IPPK: variants seen among roughly 807,000 people sequenced by gnomAD.
IPPK encodes the protein inositol-pentakisphosphate 2-kinase.
A neutral mutation model predicts 64.6 loss-of-function variants in IPPK; 22 were observed. The ratio of observed to expected loss-of-function variants is 0.34; its 90% confidence interval spans 0.24 to 0.49. The LOEUF (loss-of-function observed/expected upper bound fraction) is 0.49, where lower values mean the gene tolerates loss of function less well. Ranked by LOEUF, IPPK falls within the 20% of genes least tolerant of loss-of-function variation. IPPK has a pLI of 0.99. For synonymous variants in IPPK, 262 were observed against 247.2 expected (o/e 1.06, Z -0.56); for missense variants, 532 against 630.7 (o/e 0.84, Z 1.68).
At chr9:92,640,261 C>T (rs1050139305) in intron 8 of IPPK, among the ~76,000 whole-genome samples, 14 of 152,144 alleles carry the variant, frequency 9.2e-5, no homozygotes, top group South Asian at 6.2e-4. Flanking sequence ...CTCTCCCCAG[C>T]AGCCTCTCCT....
intron 3 of IPPK, among the ~76,000 whole-genome samples, chr9:92,655,508 G>A (rs972385653): frequency 7.2e-5 from 11 of 152,096 alleles, no homozygotes; most frequent in African/African-American, 2.7e-4. Context: ...GAGCCAGACT[G>A]CTCATTGCTG....
intron 8 of IPPK, among the ~76,000 whole-genome samples, chr9:92,638,994 C>T (rs1851997181): frequency 1.3e-5 from 2 of 152,202 alleles, no homozygotes; most frequent in African/African-American, 4.8e-5. Flanking sequence ...CCCCTGACAG[C>T]GGCCAACCCC....
At chr9:92,647,775 C>T (rs1022387732) in intron 6 of IPPK, among the ~76,000 whole-genome samples, 1 of 151,990 alleles carries the variant, frequency 6.6e-6, no homozygotes, top group East Asian at 1.9e-4. Context: ...GTGGCTCACA[C>T]CAGCACTTTG....
rs757195814 is a variant in IPPK at position 92,635,199 on chromosome 9, G to A, written c.1026C>T (p.Tyr342=). The part of the protein sequence containing the change: ...LLDIEGLYPL[Y]NRVERYLEEF... ...CTTCCAGGTATCGCTCAACCCGGTT[G>A]TACAGAGGGTAGAGGCCTTCGATGT... Residue 342 remains tyrosine (Y), a synonymous_variant, in exon 10 of 13, where the codon TAC becomes TAT. Coordinates refer to ENST00000287996, the MANE Select transcript of IPPK (RefSeq NM_022755.6). The surrounding 1 kb of genome is among the most constrained non-coding windows in gnomAD (Gnocchi z 4.4). 9 of 1,614,036 alleles carry A rather than the reference G, an allele frequency of 5.6e-6. No individual in the cohort carries two copies. In the South Asian group the frequency reaches 9.9e-5, roughly 18 times the overall value.
At chr9:92,644,180 T>TA (rs888258271) in intron 6 of IPPK, among the ~76,000 whole-genome samples, 13 of 151,356 alleles carry the variant, frequency 8.6e-5, no homozygotes, top group East Asian at 3.9e-4. Context: ...GAAAACTGGT[T>TA]AAAAAAAAAT....
chr9:92,646,799 T>C (rs1280629246), intron 6 of IPPK, among the ~76,000 whole-genome samples: 1 of 151,798 alleles, frequency 6.6e-6, no homozygotes, highest in Admixed American at 6.6e-5. Context: ...CTACTAAAAA[T>C]ACAAAAAATT....
chr9:92,628,870 ACT>A (rs1851780455), intron 11 of IPPK, among the ~76,000 whole-genome samples: 1 of 151,578 alleles, frequency 6.6e-6, no homozygotes, highest in East Asian at 1.9e-4. Context: ...ACAGAGTGAG[ACT>A]CTGTCTCAAA....
At chr9:92,652,778 G>C in intron 3 of IPPK, 139 bp from the exon 4 acceptor site, 1 of 443,558 alleles carries the variant, frequency 2.3e-6, no homozygotes. Context: ...AAAGTTTATT[G>C]CTTAAAAAAA....
At chr9:92,627,934 G>C (rs144740129) in intron 11 of IPPK, among the ~76,000 whole-genome samples, 2 of 152,230 alleles carry the variant, frequency 1.3e-5, no homozygotes, top group East Asian at 3.9e-4. Context: ...ATCTTAAATA[G>C]AGAGAATCCT....
intron 5 of IPPK, 97 bp from the exon 6 acceptor site, chr9:92,648,245 G>T: frequency 1.1e-6 from 1 of 901,974 alleles, no homozygotes; most frequent in Non-Finnish European, 1.7e-6. Flanking sequence ...AGTGCAGCAA[G>T]ATAATTAGGC....
intron 6 of IPPK, 32 bp from the exon 7 acceptor site, chr9:92,642,842 G>C: frequency 6.4e-7 from 1 of 1,573,716 alleles, no homozygotes; most frequent in Non-Finnish European, 8.7e-7. Context: ...GGCATGAGGT[G>C]ACTGGCGCTG....
rs746263714 is a variant in IPPK, at chr9:92,638,047, C to A, written c.870G>T (p.Pro290=). 1.2e-6 allele frequency: 2 copies of A among 1,601,328 alleles called. No homozygotes were observed. The highest frequency in any genetic ancestry group is 1.3e-5 in the African/African-American group (1 of 74,658). The change falls in exon 9 of 13, where the codon CCG becomes CCT. Residue 290 remains proline (P), a synonymous_variant. Coordinates refer to ENST00000287996, the MANE Select transcript of IPPK (RefSeq NM_022755.6). The part of the protein sequence containing the change: ...TLSPGLGPQG[P]RVCEASPFSR... ...TGAAAGGGCTGGCTTCGCAGACTCG[C>A]GGGCCCTGAGGCCCGAGCCCCGGAC...
chr9:92,640,637 C>G (rs1328511936), intron 8 of IPPK, 73 bp downstream of exon 8: 9 of 990,864 alleles, frequency 9.1e-6, no homozygotes, highest in Non-Finnish European at 1.1e-5. Context: ...AGCCCAACAC[C>G]CTCATCTGTG....
intron 8 of IPPK, among the ~76,000 whole-genome samples, chr9:92,639,610 G>A (rs1852009046): frequency 6.6e-6 from 1 of 152,166 alleles, no homozygotes. Context: ...GACATTAGGT[G>A]CAGGCCAGAT....
In IPPK at chr9:92,670,088, G is replaced by T; in HGVS notation, c.-100C>A. The T allele has an allele frequency of 1.3e-6, 1 of 756,080 alleles. No individual in the cohort carries two copies. The allele number at this position is 756,080 out of a possible 1,614,324, so 46.8% of individuals were successfully genotyped here. A position where few individuals can be genotyped will look rare whatever the true frequency, so the allele number is the denominator to read the frequency against. ...ACCAGCCGCTGCGGTCGGGGGAGGAGCGCCTGTCAGCTGCCGCCCCCGCTC... is the reference window on the plus strand; with the variant it reads ...ACCAGCCGCTGCGGTCGGGGGAGGATCGCCTGTCAGCTGCCGCCCCCGCTC... On this transcript the variant is annotated 5_prime_UTR_variant, in exon 1 of 13. Coordinates refer to ENST00000287996, the MANE Select transcript of IPPK (RefSeq NM_022755.6).
Position 92,615,881 on chromosome 9 carries a change from G to C in IPPK, c.1427C>G (p.Thr476Ser). Reference sequence around the variant, plus strand: ...GCAATCTTCGCTTTCCTTGAACCGAGTCGACATCACGGCGTTGTCTTTGGC... The same window carrying C: ...GCAATCTTCGCTTTCCTTGAACCGACTCGACATCACGGCGTTGTCTTTGGC... ...VRAKDNAVMS[T>S]RFKESEDCTL... is the part of the protein sequence containing the mutation. The change falls in exon 13 of 13, where the codon ACT (threonine) becomes AGT (serine). Residue 476 changes from threonine (T) to serine (S), a missense_variant. Physicochemically the swap from Thr to Ser is moderately conservative, Grantham distance 58. Coordinates refer to ENST00000287996, the MANE Select transcript of IPPK (RefSeq NM_022755.6). The C allele has an allele frequency of 6.2e-6, 10 of 1,614,188 alleles. No homozygotes were observed. Among genetic ancestry groups the C allele is most frequent in the Non-Finnish European group, 8.5e-6 (10 of 1,180,044 alleles).
intron 5 of IPPK, among the ~76,000 whole-genome samples, chr9:92,648,718 C>T (rs1172911916): frequency 6.6e-6 from 1 of 152,186 alleles, no homozygotes; most frequent in African/African-American, 2.4e-5. Flanking sequence ...GAGGCATGAG[C>T]TCAGGCCAGG....
intron 1 of IPPK, 131 bp downstream of exon 1, chr9:92,669,777 G>C: frequency 1.6e-6 from 1 of 641,800 alleles, no homozygotes; most frequent in Non-Finnish European, 2.7e-6. Flanking sequence ...GAATTCCGGA[G>C]ACCGGCCGGG....
rs116358420 is a variant in IPPK at position 92,645,185 on chromosome 9, G to A, written c.505-2375C>T. Among the ~76,000 whole-genome samples the A allele has an allele frequency of 2.0e-3, 311 of 152,140 alleles. 2 individuals carry two copies. The highest frequency in any genetic ancestry group is 7.0e-3 in the African/African-American group (291 of 41,500). On this transcript the variant is annotated intron_variant, in intron 6 of 12. Coordinates refer to ENST00000287996, the MANE Select transcript of IPPK (RefSeq NM_022755.6). The stretch of plus-strand genomic sequence containing the variant: ...GTAGGCAGAGTGCCTGAGCTGAGGC[G>A]TTCGAGACCAGCCTGGGCAACATGG...
Sources: gnomAD v4.1 joint callset for allele counts (sites outside exome capture counted in the v4.1 genomes callset) on GRCh38, gnomAD v4.1.1 for gene constraint, Gnocchi (gnomAD v3.1) non-coding constraint, MANE v1.5 for transcripts, NCBI Gene and HGNC (gene_info 2026-07-23, HGNC 2026-07-21) for gene names.